PSD3: variants seen among roughly 807,000 people sequenced by gnomAD.
PSD3 encodes pleckstrin and Sec7 domain containing 3.
PSD3 carries 49 observed loss-of-function variants against 105.5 expected under a neutral mutation model. That is an observed-to-expected ratio of 0.46 (90% CI 0.37 to 0.59). The LOEUF is 0.59. Ranked by LOEUF, PSD3 falls within the 20% of genes least tolerant of loss-of-function variation. The pLI, the probability that PSD3 is intolerant of heterozygous loss-of-function variation, is 0.00. For missense variants in PSD3, 1,561 were observed against 1,263.8 expected, an observed-to-expected ratio of 1.24 and a Z score of -3.57; for synonymous variants, 557 against 457.8, an observed-to-expected ratio of 1.22 and a Z score of -2.77.
Position 18,535,887 on chromosome 8 carries a change from G to A in PSD3, c.3000C>T (p.Ser1000=), listed in dbSNP as rs752573132. The part of the protein sequence containing the change: ...GGKELLSNDE[S]EAAGLKKSHS... ...GCGACTTCTTCAGTCCTGCAGCCTC[G>A]CTTTCATCGTTACTCAGTAGCTCTT... Residue 1000 remains serine, a synonymous_variant, in exon 16 of 16, where the codon AGC becomes AGT. Coordinates refer to ENST00000327040, the MANE Select transcript of PSD3 (RefSeq NM_015310.4). 2.5e-6 allele frequency: 4 copies of A among 1,614,120 alleles called. No homozygotes were observed. Among genetic ancestry groups the A allele is most frequent in the South Asian group, 1.1e-5 (1 of 91,080 alleles).
intron 9 of PSD3, among the ~76,000 whole-genome samples, chr8:18,752,551 TATA>T (rs1393137938): frequency 4.7e-3 from 49 of 10,434 alleles, no homozygotes; most frequent in African/African-American, 0.012. Flanking sequence ...ATATATTATA[TATA>T]ATTATATATA....
chr8:18,988,171 T>C (rs962063816), intron 1 of PSD3, among the ~76,000 whole-genome samples: 1 of 146,492 alleles, frequency 6.8e-6, no homozygotes, highest in South Asian at 2.2e-4. Context: ...GAAAGCAGCC[T>C]GTCACTAGAA....
At chr8:18,919,372 C>T (rs1290704866) in intron 2 of PSD3, among the ~76,000 whole-genome samples, 3 of 152,030 alleles carry the variant, frequency 2.0e-5, no homozygotes, top group Non-Finnish European at 4.4e-5. Context: ...ACACACCACA[C>T]AGTTATTGCC....
chr8:18,951,353 G>A (rs1158303559), intron 1 of PSD3, among the ~76,000 whole-genome samples: 3 of 152,148 alleles, frequency 2.0e-5, no homozygotes, highest in African/African-American at 7.2e-5. Flanking sequence ...AGTGAGGTAT[G>A]ATCACACCAC....
At chr8:18,793,478 CT>C (rs1224539126) in intron 8 of PSD3, among the ~76,000 whole-genome samples, 1 of 151,374 alleles carries the variant, frequency 6.6e-6, no homozygotes, top group African/African-American at 2.4e-5. Flanking sequence ...ACATAGACCC[CT>C]GACCTTAAAG....
chr8:18,713,585 C>T (rs540262143), intron 9 of PSD3, among the ~76,000 whole-genome samples: 170 of 152,004 alleles, frequency 1.1e-3, no homozygotes, highest in African/African-American at 3.6e-3. Flanking sequence ...GGGAAGTGAA[C>T]GACCTCTTCA....
At chr8:18,803,523 T>G (rs1336996809) in intron 6 of PSD3, among the ~76,000 whole-genome samples, 1 of 151,500 alleles carries the variant, frequency 6.6e-6, no homozygotes, top group Non-Finnish European at 1.5e-5. Flanking sequence ...TTAATCACAA[T>G]AGCAAAAGCA....
chr8:18,967,242 G>A (rs1006908751), intron 1 of PSD3, among the ~76,000 whole-genome samples: 1 of 151,272 alleles, frequency 6.6e-6, no homozygotes. Flanking sequence ...GGCAACCCCT[G>A]CCTCCCAGGT....
At chr8:18,709,001 C>T (rs1802072454) in intron 9 of PSD3, among the ~76,000 whole-genome samples, 1 of 152,138 alleles carries the variant, frequency 6.6e-6, no homozygotes, top group Admixed American at 6.5e-5. Flanking sequence ...CCTTGTGAAC[C>T]CACGCTACCA....
intron 1 of PSD3, among the ~76,000 whole-genome samples, chr8:19,047,355 C>T (rs76052292): frequency 0.068 from 10,312 of 152,230 alleles, 710 homozygotes; most frequent in East Asian, 0.18. Context: ...ATTCAGAATC[C>T]TTGCCTTGGA....
intron 12 of PSD3, among the ~76,000 whole-genome samples, chr8:18,595,306 A>C (rs1164233866): frequency 6.6e-6 from 1 of 151,630 alleles, no homozygotes; most frequent in Non-Finnish European, 1.5e-5. Context: ...AGGAATACTA[A>C]TAAGAGTGAA....
At chr8:18,963,757 T>A (rs887190443) in intron 1 of PSD3, among the ~76,000 whole-genome samples, 1 of 152,256 alleles carries the variant, frequency 6.6e-6, no homozygotes, top group African/African-American at 2.4e-5. Flanking sequence ...AGCAATATTT[T>A]AAGACTTTGT....
At chr8:18,714,465 G>T (rs1373684771) in intron 9 of PSD3, among the ~76,000 whole-genome samples, 2 of 148,772 alleles carry the variant, frequency 1.3e-5, no homozygotes, top group Admixed American at 1.3e-4. Context: ...TCAAAAAGCA[G>T]GCAAAGGACA....
At chr8:19,040,966 C>T (rs1828105459) in intron 1 of PSD3, among the ~76,000 whole-genome samples, 1 of 152,208 alleles carries the variant, frequency 6.6e-6, no homozygotes, top group African/African-American at 2.4e-5. Context: ...GATCATAGCA[C>T]ATTGCAGCCT....
At chr8:18,769,362 A>C (rs202100682) in intron 8 of PSD3, among the ~76,000 whole-genome samples, 2 of 152,172 alleles carry the variant, frequency 1.3e-5, no homozygotes, top group East Asian at 3.8e-4. Context: ...TTATTAATAA[A>C]CTTCTTTGTA....
At chr8:18,670,256 G>A (rs116473619) in intron 9 of PSD3, among the ~76,000 whole-genome samples, 5,352 of 152,212 alleles carry the variant, frequency 0.035, 320 homozygotes, top group African/African-American at 0.12. Context: ...AAACCCAGCG[G>A]GGCTGGTGCG....
chr8:19,006,136 T>C (rs1017366524), intron 1 of PSD3, among the ~76,000 whole-genome samples: 6 of 151,068 alleles, frequency 4.0e-5, no homozygotes, highest in Admixed American at 3.9e-4. Context: ...CTATTAAAAA[T>C]ACAAAAATTA....
At chr8:18,997,000 C>T (rs890853363) in intron 1 of PSD3, among the ~76,000 whole-genome samples, 7 of 151,840 alleles carry the variant, frequency 4.6e-5, no homozygotes, top group African/African-American at 1.7e-4. Flanking sequence ...CTCTCGATTC[C>T]CCTCATTCGC....
intron 1 of PSD3, chr8:18,989,544 T>A (rs1464877955): frequency 2.0e-5 from 3 of 152,218 alleles, no homozygotes; most frequent in Admixed American, 6.5e-5. Context: ...TTAATGAGAA[T>A]ACTAGGGATT....
Sources: gnomAD v4.1 joint callset for allele counts (sites outside exome capture counted in the v4.1 genomes callset) on GRCh38, gnomAD v4.1.1 for gene constraint, MANE v1.5 for transcripts, NCBI Gene and HGNC (gene_info 2026-07-23, HGNC 2026-07-21) for gene names.